Variants in TAF4 observed in about 807,000 individuals in gnomAD.
TAF4 encodes transcription initiation factor TFIID subunit 4.
In TAF4, 9 loss-of-function variants were observed where a neutral mutation model predicts 90.3. The ratio of observed to expected loss-of-function variants is 0.10; its 90% CI spans 0.06 to 0.17. The LOEUF is 0.17. Among genes scored for constraint, TAF4 ranks in the 10% least tolerant of loss-of-function variants. The probability of loss-of-function intolerance (pLI) is 1.00; values close to 1 mark genes in which losing one functional copy is unlikely to be tolerated. For synonymous variants in TAF4, 818 were observed against 638.9 expected (o/e 1.28, Z -4.23); for missense variants, 1,351 against 1,370.7 (o/e 0.99, Z 0.23).
chr20:62,055,042 G>A (rs561529994), intron 1 of TAF4, among the ~76,000 whole-genome samples: 43 of 152,036 alleles, frequency 2.8e-4, no homozygotes, highest in African/African-American at 9.6e-4. Context: ...CAGCTCAGAC[G>A]CAAAAGTGAC....
chr20:61,989,801 G>A (rs970299279), intron 14 of TAF4, among the ~76,000 whole-genome samples: 9 of 152,228 alleles, frequency 5.9e-5, no homozygotes, highest in African/African-American at 1.2e-4. Context: ...ACGAATCCAT[G>A]AGCGAACGAA....
chr20:62,019,642 A>G (rs1281506746), intron 1 of TAF4, among the ~76,000 whole-genome samples: 2 of 151,942 alleles, frequency 1.3e-5, no homozygotes, highest in African/African-American at 4.8e-5. Flanking sequence ...GCCAGTGGTG[A>G]CCAGTGGTGA....
chr20:61,997,511 T>G (rs1051230971), intron 14 of TAF4, 39 bp downstream of exon 14: 4 of 1,516,684 alleles, frequency 2.6e-6, no homozygotes, highest in Non-Finnish European at 3.5e-6. Context: ...ATGTTCCCCA[T>G]GTTTCCCCCA....
intron 9 of TAF4, among the ~76,000 whole-genome samples, chr20:62,002,003 T>A (rs2055708108): frequency 6.6e-6 from 1 of 152,212 alleles, no homozygotes; most frequent in South Asian, 2.1e-4. Flanking sequence ...TGGTTATCCA[T>A]GCCTGCCGAC....
At chr20:61,995,034 T>TC (rs200621248) in intron 14 of TAF4, among the ~76,000 whole-genome samples, 2 of 152,314 alleles carry the variant, frequency 1.3e-5, no homozygotes, top group Non-Finnish European at 2.9e-5. Flanking sequence ...CCTTGAGGTT[T>TC]CCCCAGATCC....
chr20:62,051,490 G>A (rs1273544201), intron 1 of TAF4, among the ~76,000 whole-genome samples: 10 of 152,078 alleles, frequency 6.6e-5, no homozygotes, highest in Non-Finnish European at 2.9e-5. Flanking sequence ...ACGTGCAGAG[G>A]GAACTTCGTC....
rs374545230 is a variant in TAF4, at chr20:62,040,813, C to T, written c.1360+23638G>A. On this transcript the variant is annotated intron_variant, in intron 1 of 14. Coordinates refer to ENST00000252996, the MANE Select transcript of TAF4 (RefSeq NM_003185.4). ...GACCAAACTCACACCTTCCGTACGA[C>T]TCAGCGATTCCACTCCTAACATTTA... 3.3e-5 allele frequency among the ~76,000 whole-genome samples: 5 copies of T among 152,318 alleles called. 1 individual carries two copies. Among genetic ancestry groups the T allele is most frequent in the African/African-American group, 1.2e-4 (5 of 41,562 alleles).
chr20:61,998,962 C>G (rs768953302), intron 12 of TAF4, 21 bp downstream of exon 12: 2 of 1,611,046 alleles, frequency 1.2e-6, no homozygotes, highest in South Asian at 1.1e-5. Context: ...CAGACGGCAG[C>G]AGCAGACACC....
rs1057139953 is a variant in TAF4, at chr20:62,006,332, C to T, written c.2223+178G>A. 1 of 865,124 alleles carries T rather than the reference C, an allele frequency of 1.2e-6. No individual in the cohort carries two copies. Among genetic ancestry groups the T allele is most frequent in the Non-Finnish European group, 1.5e-6 (1 of 647,086 alleles). 53.6% of individuals were successfully genotyped at this position (865,124 alleles called of 1,614,324 possible). A position where few individuals can be genotyped will look rare whatever the true frequency, so the allele number is the denominator to read the frequency against. On this transcript the variant is annotated intron_variant, in intron 7 of 14. Transcript: ENST00000252996. The surrounding 1 kb of genome is among the most constrained non-coding windows in gnomAD (Gnocchi z 7.0). Reference sequence around the variant, plus strand: ...TTTACTGAGACAAAATACAACATCCCAGGGCCTCAACCTCTGGTTTCTATT... The same window carrying T: ...TTTACTGAGACAAAATACAACATCCTAGGGCCTCAACCTCTGGTTTCTATT...
chr20:62,029,969 C>A (rs990732179), intron 1 of TAF4, among the ~76,000 whole-genome samples: 1 of 152,124 alleles, frequency 6.6e-6, no homozygotes, highest in African/African-American at 2.4e-5. Context: ...AGCCTCAGGG[C>A]TGGGCCAGAA....
intron 1 of TAF4, among the ~76,000 whole-genome samples, chr20:62,064,146 T>C (rs972419711): frequency 2.0e-5 from 3 of 152,122 alleles, no homozygotes; most frequent in Non-Finnish European, 4.4e-5. Flanking sequence ...CGGGAGCAGG[T>C]AAGGACCACT....
chr20:62,015,016 C>T (rs2055804776), intron 1 of TAF4, among the ~76,000 whole-genome samples: 1 of 152,228 alleles, frequency 6.6e-6, no homozygotes, highest in African/African-American at 2.4e-5. Context: ...CCCATGCCCC[C>T]AACCAGCCCA....
intron 1 of TAF4, among the ~76,000 whole-genome samples, chr20:62,022,023 TCCAGGCCCG>T (rs1356092514): frequency 6.6e-6 from 1 of 151,786 alleles, no homozygotes; most frequent in Non-Finnish European, 1.5e-5. Context: ...GAGCGGGCCC[TCCAGGCCCG>T]CCAAGGTCTT....
chr20:62,065,520 C>T lies in TAF4; in HGVS notation c.291G>A (p.Pro97=). 1.0e-6 allele frequency: 1 copy of T among 976,558 alleles called. No homozygotes were observed. Among genetic ancestry groups the T allele is most frequent in the African/African-American group, 1.8e-5 (1 of 56,124 alleles). The allele number at this position is 976,558 out of a possible 1,614,324, so 60.5% of individuals were successfully genotyped here. The change falls in exon 1 of 15, where the codon CCG becomes CCA. Residue 97 remains proline, a synonymous_variant. Transcript: ENST00000252996. ...PEPPPAGRAR[P]GGGGPQRPGP... ...CCGGGCGCTGCGGCCCCCCGCCCCCCGGCCGCGCTCTACCTGCGGGGGGCG... is the reference window on the plus strand; with the variant it reads ...CCGGGCGCTGCGGCCCCCCGCCCCCTGGCCGCGCTCTACCTGCGGGGGGCG...
chr20:62,022,115 G>T (rs2055847434), intron 1 of TAF4, among the ~76,000 whole-genome samples: 1 of 152,080 alleles, frequency 6.6e-6, no homozygotes, highest in East Asian at 1.9e-4. Context: ...CCCTTTCCCA[G>T]CTGTATTTAT....
rs1349634635 is a variant in TAF4 at position 62,000,598 on chromosome 20, T to C, written c.2610A>G (p.Glu870=). The change falls in exon 10 of 15, where the codon GAA becomes GAG. Residue 870 remains glutamate, a synonymous_variant. Coordinates refer to ENST00000252996, the MANE Select transcript of TAF4 (RefSeq NM_003185.4). ...VGTLTRSCKD[E]TFLLQAPLQR... ...GCAAAGGCGCTTGGAGGAGGAAGGTTTCATCTTTACAGGACCGCGTTAGCG... is the reference window on the plus strand; with the variant it reads ...GCAAAGGCGCTTGGAGGAGGAAGGTCTCATCTTTACAGGACCGCGTTAGCG... 6.2e-7 allele frequency: 1 copy of C among 1,614,252 alleles called. No homozygotes were observed. The highest frequency in any genetic ancestry group is 8.5e-7 in the Non-Finnish European group (1 of 1,180,016).
chr20:62,064,514 C>G lies in TAF4; in HGVS notation c.1297G>C (p.Ala433Pro). 6.5e-7 allele frequency: 1 copy of G among 1,528,170 alleles called. No homozygotes were observed. 94.7% of individuals were successfully genotyped at this position (1,528,170 alleles called of 1,614,324 possible). A position where few individuals can be genotyped will look rare whatever the true frequency, so the allele number is the denominator to read the frequency against. The change falls in exon 1 of 15, where the codon GCC becomes CCC. Residue 433 changes from alanine (A) to proline (P), a missense_variant. This residue lies in a region of TAF4 where 782 missense variants were observed against 536.6 expected (regional missense o/e 1.46). Coordinates refer to ENST00000252996, the MANE Select transcript of TAF4 (RefSeq NM_003185.4). ...IRATLTPTVLAPRLPQPPQNP... is the reference protein window; with the variant it reads ...IRATLTPTVLPPRLPQPPQNP... ...TGAGGCGGCTGCGGCAAGCGGGGGG[C>G]CAGCACGGTGGGCGTCAGGGTGGCC...
At position 61,976,318 on chromosome 20, in the gene TAF4, T is replaced by A; in HGVS notation, c.3108A>T (p.Ser1036=). The A allele has an allele frequency of 1.2e-6, 2 of 1,613,620 alleles. No homozygotes were observed. The highest frequency in any genetic ancestry group is 2.2e-5 in the South Asian group (2 of 91,064). The change falls in exon 15 of 15, where the codon TCA becomes TCT. Residue 1036 remains serine, a synonymous_variant. Transcript: ENST00000252996. ...CGACACCCGAGCTGCCTGGGACCAC[T>A]GAGCCGGGGCCCGACCCCTGGTGAT... ...GSGAEGSGPG[S]VVPGSSGVGT...
rs75223010 is a variant in TAF4, at chr20:62,002,970, T to C, written c.2486+190A>G. Among the ~76,000 whole-genome samples the C allele has an allele frequency of 3.3e-4, 51 of 152,356 alleles. No individual in the cohort carries two copies. In the East Asian group the frequency reaches 8.3e-3, roughly 25 times the overall value. On this transcript the variant is annotated intron_variant, in intron 9 of 14. Coordinates refer to ENST00000252996, the MANE Select transcript of TAF4 (RefSeq NM_003185.4). ...GCTATGTGTATGAAGCAAAACCTCT[T>C]TGAGCCAACTGTATGGGAAAACACA...
Sources: gnomAD v4.1 joint callset for allele counts (sites outside exome capture counted in the v4.1 genomes callset) on GRCh38, gnomAD v4.1.1 for gene constraint, gnomAD v4.1.1 regional missense constraint, Gnocchi (gnomAD v3.1) non-coding constraint, MANE v1.5 for transcripts, NCBI Gene and HGNC (gene_info 2026-07-23, HGNC 2026-07-21) for gene names.